Variants in FAM83E observed in about 807,000 individuals in gnomAD.
The protein encoded by FAM83E is protein FAM83E.
FAM83E carries 29 observed loss-of-function variants against 34.3 expected under a neutral mutation model. The ratio of observed to expected loss-of-function variants is 0.85; its 90% CI spans 0.63 to 1.15. The LOEUF is 1.15. Among genes scored for constraint, FAM83E ranks in the 50% most tolerant of loss-of-function variants. The pLI is 0.00. For missense variants in FAM83E, 697 were observed against 685.0 expected (o/e 1.02, Z -0.20); for synonymous variants, 312 against 311.6 (o/e 1.00, Z -0.01).
Position 48,603,592 on chromosome 19 carries a change from C to A in FAM83E, c.1078G>T (p.Ala360Ser), listed in dbSNP as rs747933011. Reference sequence around the variant, plus strand: ...GCCGGGGGGCCGCTGGGGGTCCGGGCGCGCTGCACACTCCTTAGAATGTCA... The same window carrying A: ...GCCGGGGGGCCGCTGGGGGTCCGGGAGCGCTGCACACTCCTTAGAATGTCA... Reference protein sequence around the residue: ...LSDILRSVQRARTPSGPPARP... With the variant: ...LSDILRSVQRSRTPSGPPARP... Residue 360 changes from alanine to serine, a missense_variant, in exon 6 of 7, where the codon GCC becomes TCC. Physicochemically the swap from Ala to Ser is moderately conservative, Grantham distance 99. Coordinates refer to ENST00000263266, the MANE Select transcript of FAM83E (RefSeq NM_017708.4). 4.6e-6 allele frequency: 7 copies of A among 1,536,384 alleles called. No individual in the cohort carries two copies. Among genetic ancestry groups the A allele is most frequent in the Admixed American group, 2.0e-5 (1 of 49,572 alleles).
intron 6 of FAM83E, among the ~76,000 whole-genome samples, chr19:48,602,400 G>T (rs373738835): frequency 2.6e-5 from 4 of 151,248 alleles, no homozygotes; most frequent in African/African-American, 7.3e-5. Context: ...GAGAGGGAAG[G>T]GGGGAAGTGA....
At chr19:48,602,697 AAAAAAAAATATATATATATATATATATAT>A (rs1370529065) in intron 6 of FAM83E, among the ~76,000 whole-genome samples, 1 of 27,000 alleles carries the variant, frequency 3.7e-5, no homozygotes, top group African/African-American at 1.3e-4. Flanking sequence ...AAAAAAAAAA[AAAAAAAAATATATATATATATATATATAT>A]ATATATATAT....
At position 48,613,465 on chromosome 19, in the gene FAM83E, T is replaced by A. The variant is rs1283649248; in HGVS notation, c.-93A>T. The A allele has an allele frequency of 7.0e-7, 1 of 1,437,428 alleles. No homozygotes were observed. Among genetic ancestry groups the A allele is most frequent in the African/African-American group, 1.4e-5 (1 of 69,888 alleles). 89.0% of individuals were successfully genotyped at this position (1,437,428 alleles called of 1,614,324 possible). ...GACTGTGATCATCTGGGGGTTCTCC[T>A]GATAGGCAGACCCTACGTGGCCATC... On this transcript the variant is annotated 5_prime_UTR_variant, in exon 3 of 7. Transcript: ENST00000263266.
intron 2 of FAM83E, 39 bp downstream of exon 2, chr19:48,614,669 G>A (rs1255898141): frequency 3.2e-5 from 22 of 686,308 alleles, no homozygotes; most frequent in Middle Eastern, 7.6e-4. Context: ...CAGCCTCCCC[G>A]CCCCACCCTC....
At chr19:48,607,648 T>C (rs1456690514) in intron 5 of FAM83E, 2 of 433,596 alleles carry the variant, frequency 4.6e-6, no homozygotes, top group Non-Finnish European at 8.5e-6. Context: ...TGGTAGCACT[T>C]TAGAGTCCAT....
chr19:48,604,350 G>A (rs1283363218), intron 5 of FAM83E, among the ~76,000 whole-genome samples: 1 of 122,636 alleles, frequency 8.2e-6, no homozygotes, highest in African/African-American at 4.0e-5. Context: ...TTTTTTGTGA[G>A]ACGGAGTTTC....
intron 6 of FAM83E, among the ~76,000 whole-genome samples, chr19:48,602,825 T>TTTTTA (rs1157265462): frequency 8.8e-6 from 1 of 114,000 alleles, no homozygotes. Context: ...TTATTTATTG[T>TTTTTA]TTATTATTAT....
chr19:48,603,963 C>G, intron 5 of FAM83E, 52 bp from the exon 6 acceptor site: 1 of 1,552,656 alleles, frequency 6.4e-7, no homozygotes, highest in Non-Finnish European at 8.7e-7. Flanking sequence ...GGGCCCAGCC[C>G]GGCCCCCATC....
chr19:48,605,019 CAAA>C (rs72014229), intron 5 of FAM83E, among the ~76,000 whole-genome samples: 2 of 75,716 alleles, frequency 2.6e-5, no homozygotes, highest in African/African-American at 5.0e-5. Flanking sequence ...GACTCTGACT[CAAA>C]AAAAAAAAAA....
chr19:48,609,747 T>C, intron 5 of FAM83E, 129 bp downstream of exon 5: 1 of 1,032,872 alleles, frequency 9.7e-7, no homozygotes, highest in East Asian at 2.5e-5. Flanking sequence ...CAGGGAAGAG[T>C]GTTTTGCCCC....
intron 3 of FAM83E, 99 bp downstream of exon 3, chr19:48,612,809 T>G: frequency 7.4e-7 from 1 of 1,348,954 alleles, no homozygotes; most frequent in Non-Finnish European, 9.9e-7. Context: ...TCCTTTAGGG[T>G]AGGGGTGTGC....
rs433852 is a variant in FAM83E, at chr19:48,613,847, C to T, written c.-475G>A. ...GGCTGACCACTTGATCATTTCCAGG[C>T]GGCAAGCTGCCTGCCTGTCTCTAAT... On this transcript the variant is annotated 5_prime_UTR_variant, in exon 3 of 7. Transcript: ENST00000263266. 214,872 of 985,106 alleles carry T rather than the reference C, an allele frequency of 0.22. 24,391 individuals are homozygous for T. The highest frequency in any genetic ancestry group is 0.47 in the East Asian group (4,138 of 8,776). 61.0% of individuals were successfully genotyped at this position (985,106 alleles called of 1,614,324 possible). A position where few individuals can be genotyped will look rare whatever the true frequency, so the allele number is the denominator to read the frequency against.
intron 6 of FAM83E, among the ~76,000 whole-genome samples, chr19:48,601,571 C>T (rs1440222996): frequency 6.6e-6 from 1 of 151,794 alleles, no homozygotes; most frequent in African/African-American, 2.4e-5. Flanking sequence ...TCAAGACCAG[C>T]CTGGCCAACA....
At chr19:48,602,867 A>ATTATTT (rs1555736546) in intron 6 of FAM83E, among the ~76,000 whole-genome samples, 2 of 124,262 alleles carry the variant, frequency 1.6e-5, no homozygotes, top group African/African-American at 6.1e-5. Flanking sequence ...TATTATTATT[A>ATTATTT]TTTTGAGACA....
intron 3 of FAM83E, among the ~76,000 whole-genome samples, chr19:48,611,698 C>T (rs1201888778): frequency 6.6e-6 from 1 of 152,168 alleles, no homozygotes; most frequent in Non-Finnish European, 1.5e-5. Context: ...GAACCCCTGA[C>T]CTCAGGTGAT....
chr19:48,604,011 C>T lies in FAM83E; in HGVS notation c.759-100G>A, dbSNP rs987142323. The T allele has an allele frequency of 7.7e-5, 94 of 1,220,808 alleles. No homozygotes were observed. The Middle Eastern group carries it at 1.1e-3, about 14-fold the overall frequency. 75.6% of individuals were successfully genotyped at this position (1,220,808 alleles called of 1,614,324 possible). ...CCAGGGGAGACCGTAGGACCTCAGG[C>T]GAGTCCTGACCTCTCCAGCCTCAGC... On this transcript the variant is annotated intron_variant, in intron 5 of 6. Coordinates refer to ENST00000263266, the MANE Select transcript of FAM83E (RefSeq NM_017708.4).
In FAM83E at chr19:48,603,786, G is replaced by A. The variant is rs540259397; in HGVS notation, c.884C>T (p.Pro295Leu). The A allele has an allele frequency of 2.9e-5, 46 of 1,592,166 alleles. No homozygotes were observed. Among genetic ancestry groups the A allele is most frequent in the Non-Finnish European group, 3.7e-5 (43 of 1,171,174 alleles). The change falls in exon 6 of 7, where the codon CCC (proline) becomes CTC (leucine). Residue 295 changes from proline (P) to leucine (L), a missense_variant. Pro to Leu is a moderately conservative substitution (Grantham distance 98, BLOSUM62 -3). Coordinates refer to ENST00000263266, the MANE Select transcript of FAM83E (RefSeq NM_017708.4). Reference sequence around the variant, plus strand: ...ACCTATGACCGAGGGTTTCTGGGGGGGCGCAGGTGGGAGCGGGCAGGAGGC... The same window carrying A: ...ACCTATGACCGAGGGTTTCTGGGGGAGCGCAGGTGGGAGCGGGCAGGAGGC... Reference protein sequence around the residue: ...YAASCPLPPAPPQKPSVIGGL... With the variant: ...YAASCPLPPALPQKPSVIGGL...
intron 5 of FAM83E, among the ~76,000 whole-genome samples, chr19:48,604,718 G>A (rs1392205577): frequency 4.9e-4 from 65 of 132,196 alleles, no homozygotes; most frequent in African/African-American, 1.6e-3. Flanking sequence ...TGTCCCCCTC[G>A]CCCCCCTCCC....
chr19:48,609,817 C>G, intron 5 of FAM83E, 59 bp downstream of exon 5: 2 of 1,571,290 alleles, frequency 1.3e-6, no homozygotes, highest in Non-Finnish European at 1.7e-6. Flanking sequence ...TCTCTGAGCA[C>G]ACTGAGGGAA....
Sources: gnomAD v4.1 joint callset for allele counts (sites outside exome capture counted in the v4.1 genomes callset) on GRCh38, gnomAD v4.1.1 for gene constraint, MANE v1.5 for transcripts, NCBI Gene and HGNC (gene_info 2026-07-23, HGNC 2026-07-21) for gene names.